Variants in ARAP3 observed in about 807,000 individuals in gnomAD.
ARAP3 encodes arf-GAP with Rho-GAP domain, ANK repeat and PH domain-containing protein 3.
ARAP3 carries 82 observed loss-of-function variants against 169.2 expected under a neutral mutation model. The ratio of observed to expected loss-of-function variants is 0.48; its 90% CI spans 0.41 to 0.58. The LOEUF is 0.58. Ranked by LOEUF, ARAP3 falls within the 20% of genes least tolerant of loss-of-function variation. ARAP3 has a pLI of 0.00. For missense variants in ARAP3, 1,764 were observed against 2,018.0 expected, an observed-to-expected ratio of 0.87 and a Z score of 2.41; for synonymous variants, 791 against 800.3, an observed-to-expected ratio of 0.99 and a Z score of 0.20.
At position 141,673,646 on chromosome 5, in the gene ARAP3, C is replaced by T. The variant is rs757870133; in HGVS notation, c.861G>A (p.Thr287=). 1.4e-5 allele frequency: 22 copies of T among 1,614,068 alleles called. No homozygotes were observed. Among genetic ancestry groups the T allele is most frequent in the Admixed American group, 6.7e-5 (4 of 60,002 alleles). Residue 287 remains threonine, a synonymous_variant, in exon 5 of 33, where the codon ACG becomes ACA. Coordinates refer to ENST00000239440, the MANE Select transcript of ARAP3 (RefSeq NM_022481.6). ...TGTCTAGCCAGCCACTGAGCAGGGG[C>T]GTGAGGCGGTCTGCCGTGAAGGAGA... ...ASFSFTADRL[T]PLLSGWLDKL...
chr5:141,656,862 G>A lies in ARAP3; in HGVS notation c.3527-16C>T. On this transcript the variant is annotated splice_polypyrimidine_tract_variant and intron_variant, in intron 25 of 32. Transcript: ENST00000239440. ...AGTGGCCGCTCTTAAGGGGAAAGGT[G>A]AGGGTTTATATATCAATCAGAATAT... 3 of 1,610,868 alleles carry A rather than the reference G, an allele frequency of 1.9e-6. 1 individual carries two copies. The highest frequency in any genetic ancestry group is 2.2e-5 in the South Asian group (2 of 90,572).
chr5:141,670,286 A>G (rs1337662285), intron 14 of ARAP3, among the ~76,000 whole-genome samples: 1 of 152,194 alleles, frequency 6.6e-6, no homozygotes, highest in African/African-American at 2.4e-5. Context: ...AGGAAGTAGC[A>G]GAGCTGGGAT....
chr5:141,656,533 G>C lies in ARAP3; in HGVS notation c.3760C>G (p.Arg1254Gly), dbSNP rs762774245. 1.2e-6 allele frequency: 2 copies of C among 1,612,314 alleles called. No individual in the cohort carries two copies. Among genetic ancestry groups the C allele is most frequent in the African/African-American group, 2.7e-5 (2 of 74,874 alleles). ...FQERFFLLRGRCLLLLKEKKS... is the reference protein window; with the variant it reads ...FQERFFLLRGGCLLLLKEKKS... ...TTCTCCTTGAGCAGCAGCAGGCAGC[G>C]GCCACGCAGCAGAAAGAACCTCTCC... The change falls in exon 27 of 33, where the codon CGC becomes GGC. Residue 1254 changes from arginine to glycine, a missense_variant. By Grantham distance (125) the Arg-to-Gly change is moderately radical (BLOSUM62 -2). Transcript: ENST00000239440.
At chr5:141,661,824 C>T (rs2099910012) in intron 20 of ARAP3, 35 bp from the exon 21 acceptor site, 20 of 1,607,646 alleles carry the variant, frequency 1.2e-5, no homozygotes, top group Non-Finnish European at 1.5e-5. Context: ...GGGGAGGACC[C>T]GGGAAGAAAG....
At chr5:141,657,343 G>A (rs149510267) in intron 25 of ARAP3, among the ~76,000 whole-genome samples, 70 of 152,364 alleles carry the variant, frequency 4.6e-4, no homozygotes, top group Non-Finnish European at 5.9e-4. Flanking sequence ...GGATAGATAC[G>A]AGAACAGGTG....
chr5:141,667,085 T>A (rs1010867953), intron 16 of ARAP3, among the ~76,000 whole-genome samples: 13 of 152,034 alleles, frequency 8.6e-5, no homozygotes, highest in African/African-American at 2.7e-4. Flanking sequence ...AATTTTTTTT[T>A]ACTTTTTTTG....
At chr5:141,666,293 C>T (rs1660906706) in intron 17 of ARAP3, 131 bp downstream of exon 17, 1 of 854,288 alleles carries the variant, frequency 1.2e-6, no homozygotes, top group African/African-American at 1.8e-5. Context: ...TGGGCAGTTT[C>T]CCTTCAGAGC....
intron 4 of ARAP3, among the ~76,000 whole-genome samples, chr5:141,675,070 C>T (rs1164896667): frequency 2.0e-5 from 3 of 152,132 alleles, no homozygotes; most frequent in African/African-American, 7.2e-5. Context: ...TCCTGTGTTG[C>T]CCTGGCCCTT....
At position 141,669,929 on chromosome 5, in the gene ARAP3, C is replaced by T; in HGVS notation, c.2242G>A (p.Gly748Ser). The T allele has an allele frequency of 1.2e-6, 2 of 1,602,034 alleles. No individual in the cohort carries two copies. Among genetic ancestry groups the T allele is most frequent in the Non-Finnish European group, 1.7e-6 (2 of 1,173,094 alleles). ...TCACAGAAGGGCTATTACCTGTCAC[C>T]TGGGTCAGTGGGTGGGGGGCTCACA... Reference protein sequence around the residue: ...LGVSPPPTDPGDRFPFSFELI... With the variant: ...LGVSPPPTDPSDRFPFSFELI... The change falls in exon 15 of 33, where the codon GGT becomes AGT. Residue 748 changes from glycine (G) to serine (S), a missense_variant. Coordinates refer to ENST00000239440, the MANE Select transcript of ARAP3 (RefSeq NM_022481.6).
In ARAP3 at chr5:141,662,877, G is replaced by A. The variant is rs2099910151; in HGVS notation, c.2801-622C>T. ...GTGTTAGATTAGCTTGAGTTACAGT[G>A]CTGTTGGCCTTGAGTTCAGTGTTAA... On this transcript the variant is annotated intron_variant, in intron 19 of 32. Transcript: ENST00000239440. Among the ~76,000 whole-genome samples, 3 of 152,284 alleles carry A rather than the reference G, an allele frequency of 2.0e-5. No individual in the cohort carries two copies. The South Asian group carries it at 6.2e-4, about 32-fold the overall frequency.
intron 4 of ARAP3, among the ~76,000 whole-genome samples, chr5:141,677,603 C>G (rs924846266): frequency 6.6e-6 from 1 of 152,206 alleles, no homozygotes. Context: ...CCCCACTGGT[C>G]TCTCTGCTTC....
Position 141,680,116 on chromosome 5 carries a change from C to A in ARAP3, c.371G>T (p.Gly124Val). The A allele has an allele frequency of 6.2e-7, 1 of 1,612,372 alleles. No homozygotes were observed. Among genetic ancestry groups the A allele is most frequent in the Non-Finnish European group, 8.5e-7 (1 of 1,178,994 alleles). ...PGLSPALGGP[G>V]VSRSPEPSPR... Reference sequence around the variant, plus strand: ...GCTGGGCTCTGGGCTCCTGGACACTCCTGGTCCCCCGAGGGCTGGGCTCAG... The same window carrying A: ...GCTGGGCTCTGGGCTCCTGGACACTACTGGTCCCCCGAGGGCTGGGCTCAG... Residue 124 changes from glycine (G) to valine (V), a missense_variant, in exon 2 of 33, where the codon GGA (glycine) becomes GTA (valine). Transcript: ENST00000239440.
chr5:141,667,819 A>T (rs946801485), intron 16 of ARAP3, among the ~76,000 whole-genome samples: 7 of 150,792 alleles, frequency 4.6e-5, no homozygotes, highest in South Asian at 4.2e-4. Flanking sequence ...AGGCAGGCAG[A>T]TCACCTGAGG....
intron 1 of ARAP3, chr5:141,680,891 G>A (rs918561795): frequency 2.5e-5 from 5 of 197,712 alleles, no homozygotes; most frequent in Non-Finnish European, 4.1e-5. Context: ...GTGGGATAGG[G>A]AGATGCAGAG....
chr5:141,681,817 T>C (rs1408813152), intron 1 of ARAP3, among the ~76,000 whole-genome samples: 2 of 152,004 alleles, frequency 1.3e-5, no homozygotes, highest in African/African-American at 2.4e-5. Flanking sequence ...TCTGCCTCTC[T>C]CCAGCTGGGC....
rs759113432 is a variant in ARAP3 at position 141,679,623 on chromosome 5, C to T, written c.620G>A (p.Gly207Asp). ...TCCTGGAGTCCCCACAGGTTGGACA[C>T]CATAGTACAGGCAACCAGGATCCAT... is the stretch of plus-strand genomic sequence containing the variant. Reference protein sequence around the residue: ...HIMDPGCLYYGVQPVGTPGAP... With the variant: ...HIMDPGCLYYDVQPVGTPGAP... The change falls in exon 4 of 33, where the codon GGT becomes GAT. Residue 207 changes from glycine to aspartate, a missense_variant. Physicochemically the swap from Gly to Asp is moderately conservative, Grantham distance 94. Transcript: ENST00000239440. 1 of 1,614,110 alleles carries T rather than the reference C, an allele frequency of 6.2e-7. No homozygotes were observed. The highest frequency in any genetic ancestry group is 8.5e-7 in the Non-Finnish European group (1 of 1,180,036).
chr5:141,669,155 C>A (rs1440025178), intron 16 of ARAP3, among the ~76,000 whole-genome samples: 5 of 152,264 alleles, frequency 3.3e-5, no homozygotes, highest in African/African-American at 1.2e-4. Flanking sequence ...TGGAAAAGCT[C>A]ACAAGGCTGA....
chr5:141,674,562 T>A (rs778560800), intron 4 of ARAP3, among the ~76,000 whole-genome samples: 5 of 152,176 alleles, frequency 3.3e-5, no homozygotes, highest in Non-Finnish European at 7.3e-5. Flanking sequence ...TCAGCCTGGA[T>A]CTGCTTTTCA....
At position 141,659,413 on chromosome 5, in the gene ARAP3, C is replaced by A; in HGVS notation, c.3331G>T (p.Val1111Leu). ...EVSLITTWKD[V>L]QLSQAGDLIM... is the part of the protein sequence containing the mutation. Reference sequence around the variant, plus strand: ...CTAAGGTCAGGACGAGTTACCTGCACGTCCTTCCAGGTGGTGATAAGACTG... The same window carrying A: ...CTAAGGTCAGGACGAGTTACCTGCAAGTCCTTCCAGGTGGTGATAAGACTG... The change falls in exon 23 of 33, where the codon GTG becomes TTG. Residue 1111 changes from valine to leucine, a missense_variant. Val to Leu is a conservative substitution (Grantham distance 32, BLOSUM62 1). Coordinates refer to ENST00000239440, the MANE Select transcript of ARAP3 (RefSeq NM_022481.6). 3 of 1,614,060 alleles carry A rather than the reference C, an allele frequency of 1.9e-6. No homozygotes were observed. Among genetic ancestry groups the A allele is most frequent in the Middle Eastern group, 1.7e-4 (1 of 6,058 alleles).
Sources: gnomAD v4.1 joint callset for allele counts (sites outside exome capture counted in the v4.1 genomes callset) on GRCh38, gnomAD v4.1.1 for gene constraint, MANE v1.5 for transcripts, NCBI Gene and HGNC (gene_info 2026-07-23, HGNC 2026-07-21) for gene names.